The following LIMS1 variants were observed in gnomAD, a reference collection of about 807,000 sequenced individuals.
LIMS1 encodes the protein LIM zinc finger domain containing 1.
LIMS1 carries 18 observed loss-of-function variants against 44.1 expected under a neutral mutation model. That is an observed-to-expected ratio of 0.41 (90% CI 0.28 to 0.61). The LOEUF (loss-of-function observed/expected upper bound fraction) is 0.61. Among genes scored for constraint, LIMS1 ranks in the 20% least tolerant of loss-of-function variants. The probability of loss-of-function intolerance (pLI) is 0.32; values close to 1 mark genes in which losing one functional copy is unlikely to be tolerated. For synonymous variants in LIMS1, 93 were observed against 149.1 expected, an observed-to-expected ratio of 0.62 and a Z score of 2.74; for missense variants, 201 against 422.0, an observed-to-expected ratio of 0.48 and a Z score of 4.59.
At chr2:108,587,528 C>G (rs1041158700) in intron 1 of LIMS1, among the ~76,000 whole-genome samples, 1 of 151,936 alleles carries the variant, frequency 6.6e-6, no homozygotes, top group Non-Finnish European at 1.5e-5. Flanking sequence ...AGATTAACCT[C>G]AGGCCCTAGT....
chr2:108,584,528 C>T (rs535505535), intron 1 of LIMS1, among the ~76,000 whole-genome samples: 1 of 151,974 alleles, frequency 6.6e-6, no homozygotes, highest in South Asian at 2.1e-4. Flanking sequence ...GCCCAAGGAG[C>T]ATAAAGATGA....
intron 2 of LIMS1, among the ~76,000 whole-genome samples, chr2:108,661,606 A>G (rs1041709554): frequency 8.5e-5 from 13 of 152,124 alleles, no homozygotes; most frequent in Non-Finnish European, 1.2e-4. Context: ...CTATAGGTAG[A>G]TTGTGATTAG....
intron 1 of LIMS1, among the ~76,000 whole-genome samples, chr2:108,575,380 C>A (rs1428331737): frequency 6.6e-6 from 1 of 152,210 alleles, no homozygotes; most frequent in Non-Finnish European, 1.5e-5. Context: ...TGAGTCCTCT[C>A]AGTTAGCTGA....
intron 1 of LIMS1, among the ~76,000 whole-genome samples, chr2:108,576,234 G>C (rs944761092): frequency 3.9e-5 from 6 of 152,060 alleles, no homozygotes; most frequent in African/African-American, 1.4e-4. Context: ...TGTCATACTG[G>C]GTCAGTACCA....
At chr2:108,612,406 G>T (rs1177676230) in intron 1 of LIMS1, among the ~76,000 whole-genome samples, 1 of 151,574 alleles carries the variant, frequency 6.6e-6, no homozygotes, top group Non-Finnish European at 1.5e-5. Flanking sequence ...AGTGCGTGTT[G>T]CTGTTCAACA....
At chr2:108,596,844 A>AC (rs1686723034) in intron 1 of LIMS1, among the ~76,000 whole-genome samples, 1 of 141,846 alleles carries the variant, frequency 7.0e-6, no homozygotes. Flanking sequence ...AATAAAAAGG[A>AC]GGGGGGCATG....
At chr2:108,608,749 T>C (rs1480311462) in intron 1 of LIMS1, among the ~76,000 whole-genome samples, 1 of 152,154 alleles carries the variant, frequency 6.6e-6, no homozygotes, top group Non-Finnish European at 1.5e-5. Flanking sequence ...AGAGTGATCA[T>C]AGATGGGGCC....
Position 108,624,905 on chromosome 2 carries a change from C to G in LIMS1, c.33-34700C>G, listed in dbSNP as rs376558034. On this transcript the variant is annotated intron_variant, in intron 1 of 9. Transcript: ENST00000544547. ...ACCACTCTGGGCAACATGGGGAAAC[C>G]CAGCCTCTACTAAAATATAAAAAAT... Among the ~76,000 whole-genome samples the G allele has an allele frequency of 3.6e-4, 55 of 152,322 alleles. No homozygotes were observed. The East Asian group carries it at 6.6e-3, about 18-fold the overall frequency.
chr2:108,646,746 G>A (rs546585860), intron 1 of LIMS1, among the ~76,000 whole-genome samples: 4 of 151,944 alleles, frequency 2.6e-5, no homozygotes, highest in African/African-American at 9.7e-5. Context: ...TGGCTCTGTC[G>A]CCAGGCTGGA....
chr2:108,671,829 A>C (rs1057441385), intron 3 of LIMS1, among the ~76,000 whole-genome samples: 5 of 152,180 alleles, frequency 3.3e-5, no homozygotes, highest in Admixed American at 2.6e-4. Flanking sequence ...CAAAAACAAA[A>C]ATTCAGATGA....
chr2:108,547,771 A>G (rs1684534904), intron 1 of LIMS1, among the ~76,000 whole-genome samples: 1 of 152,198 alleles, frequency 6.6e-6, no homozygotes, highest in Non-Finnish European at 1.5e-5. Flanking sequence ...GTCATTGCCT[A>G]CATTAGAATA....
intron 1 of LIMS1, among the ~76,000 whole-genome samples, chr2:108,594,302 G>A (rs1210708494): frequency 6.6e-6 from 1 of 152,164 alleles, no homozygotes; most frequent in East Asian, 1.9e-4. Flanking sequence ...GAATCCAGAC[G>A]TTCCATGACT....
intron 1 of LIMS1, among the ~76,000 whole-genome samples, chr2:108,541,579 C>T (rs796120026): frequency 9.2e-5 from 14 of 152,334 alleles, no homozygotes; most frequent in African/African-American, 3.4e-4. Context: ...TCAAGTAGGT[C>T]CAAACTCCAG....
chr2:108,683,852 AACTT>A lies in LIMS1; in HGVS notation c.900-32_900-29del, dbSNP rs762695258. ...TATCTTTGTTGAATATGTTTCCACT[AACTT>A]CTTTTTTTTTATAATTTTTTGTCTT... On this transcript the variant is annotated intron_variant, in intron 9 of 9. Transcript: ENST00000544547. 4.1e-6 allele frequency: 5 copies of A among 1,230,538 alleles called. No individual in the cohort carries two copies. In the African/African-American group the frequency reaches 4.6e-5, roughly 11 times the overall value. 76.2% of individuals were successfully genotyped at this position (1,230,538 alleles called of 1,614,324 possible). A position where few individuals can be genotyped will look rare whatever the true frequency, so the allele number is the denominator to read the frequency against.
chr2:108,664,563 G>A (rs550883250), intron 2 of LIMS1, among the ~76,000 whole-genome samples: 1 of 152,320 alleles, frequency 6.6e-6, no homozygotes, highest in Admixed American at 6.5e-5. Flanking sequence ...GATGTAATGT[G>A]TAGTTACCTA....
At chr2:108,671,016 C>G in intron 3 of LIMS1, 169 bp downstream of exon 3, 2 of 874,678 alleles carry the variant, frequency 2.3e-6, no homozygotes, top group Non-Finnish European at 3.6e-6. Context: ...ACTAAAAATA[C>G]AAAAATTAAC....
intron 1 of LIMS1, among the ~76,000 whole-genome samples, chr2:108,535,029 A>G (rs1019947050): frequency 6.6e-6 from 1 of 152,232 alleles, no homozygotes; most frequent in African/African-American, 2.4e-5. Flanking sequence ...CTATTAACTC[A>G]TTGAATAAAT....
intron 1 of LIMS1, among the ~76,000 whole-genome samples, chr2:108,597,945 G>C (rs1686801966): frequency 6.6e-6 from 1 of 152,020 alleles, no homozygotes; most frequent in Admixed American, 6.5e-5. Flanking sequence ...GCCCGCCTCA[G>C]CCTCCCAAAG....
chr2:108,639,058 T>C (rs1689483018), intron 1 of LIMS1, among the ~76,000 whole-genome samples: 1 of 151,776 alleles, frequency 6.6e-6, no homozygotes, highest in Admixed American at 6.6e-5. Context: ...AAAAAAAATG[T>C]CTACTTAAGG....
Sources: allele counts gnomAD v4.1 joint callset (sites outside exome capture counted in the v4.1 genomes callset), GRCh38; gene constraint gnomAD v4.1.1; transcripts MANE v1.5; gene names NCBI Gene and HGNC (gene_info 2026-07-23, HGNC 2026-07-21).